Variants in MBIP observed in about 807,000 individuals in gnomAD.
MBIP encodes the protein MAP3K12 binding inhibitory protein 1.
In MBIP, 32 loss-of-function variants were observed where a neutral mutation model predicts 45.7. The ratio of observed to expected loss-of-function variants is 0.70; its 90% CI spans 0.53 to 0.94. MBIP has a LOEUF of 0.94. Among genes scored for constraint, MBIP ranks in the 40% least tolerant of loss-of-function variants. The pLI is 0.00. For missense variants in MBIP, 381 were observed against 405.5 expected (o/e 0.94, Z 0.52); for synonymous variants, 145 against 141.0 (o/e 1.03, Z -0.20).
In MBIP at chr14:36,314,913, A is replaced by C; in HGVS notation, c.252T>G (p.Pro84=). The C allele has an allele frequency of 6.2e-7, 1 of 1,605,984 alleles. No homozygotes were observed. The highest frequency in any genetic ancestry group is 8.5e-7 in the Non-Finnish European group (1 of 1,173,010). Residue 84 remains proline (P), a splice_region_variant and synonymous_variant, in exon 3 of 9, where the codon CCT becomes CCG. Coordinates refer to ENST00000416007, the MANE Select transcript of MBIP (RefSeq NM_016586.3). ...ALEQHILYLQ[P]FLAKLQSPIK... is the part of the protein sequence containing the mutation. Reference sequence around the variant, plus strand: ...TCGGAGACTGAAGTTTTGCTAAAAAAGGCTGAGAACAACACAATTCCATCT... The same window carrying C: ...TCGGAGACTGAAGTTTTGCTAAAAACGGCTGAGAACAACACAATTCCATCT...
At chr14:36,302,805 T>C (rs1429959091) in intron 7 of MBIP, among the ~76,000 whole-genome samples, 1 of 152,244 alleles carries the variant, frequency 6.6e-6, no homozygotes, top group Non-Finnish European at 1.5e-5. Flanking sequence ...GAAATCTCAG[T>C]ACAGTTCCTG....
chr14:36,300,118 T>G (rs923405587), intron 8 of MBIP, among the ~76,000 whole-genome samples: 1 of 152,184 alleles, frequency 6.6e-6, no homozygotes, highest in Non-Finnish European at 1.5e-5. Flanking sequence ...AGAATAACTT[T>G]TAAAAACCTG....
At chr14:36,300,236 G>GA (rs1879458817) in intron 8 of MBIP, among the ~76,000 whole-genome samples, 1 of 151,874 alleles carries the variant, frequency 6.6e-6, no homozygotes, top group Non-Finnish European at 1.5e-5. Context: ...TTTACTTCGG[G>GA]AAAAAATAGC....
rs908593765 is a variant in MBIP, at chr14:36,320,471, G to A, written c.118C>T (p.Leu40=). The A allele has an allele frequency of 2.5e-6, 4 of 1,614,018 alleles. No individual in the cohort carries two copies. Among genetic ancestry groups the A allele is most frequent in the Non-Finnish European group, 1.7e-6 (2 of 1,180,034 alleles). ...AGGCCACCTCTCACCTGTCCAACCA[G>A]GGTGTGTAGGGAGCGAAAGATTTCG... ...LYEIFRSLHT[L]VGQLDLRDDV... Residue 40 remains leucine, a synonymous_variant, in exon 1 of 9, where the codon CTG becomes TTG. Coordinates refer to ENST00000416007, the MANE Select transcript of MBIP (RefSeq NM_016586.3).
intron 2 of MBIP, among the ~76,000 whole-genome samples, chr14:36,315,384 G>C (rs1880506709): frequency 6.6e-6 from 1 of 152,052 alleles, no homozygotes; most frequent in Non-Finnish European, 1.5e-5. Context: ...CATTATCACT[G>C]TATCACTGGA....
Position 36,314,942 on chromosome 14 carries a change from G to A in MBIP, c.250-27C>T, listed in dbSNP as rs367921849. On this transcript the variant is annotated intron_variant, in intron 2 of 8. Coordinates refer to ENST00000416007, the MANE Select transcript of MBIP (RefSeq NM_016586.3). ...TGAGAACAACACAATTCCATCTGCTGAGGTTCAATCTGACCAAAATTAATT... is the reference window on the plus strand; with the variant it reads ...TGAGAACAACACAATTCCATCTGCTAAGGTTCAATCTGACCAAAATTAATT... The A allele has an allele frequency of 2.0e-6, 3 of 1,476,748 alleles. No homozygotes were observed. In the African/African-American group the frequency reaches 4.2e-5, roughly 20 times the overall value. The allele number at this position is 1,476,748 out of a possible 1,614,324, so 91.5% of individuals were successfully genotyped here. A position where few individuals can be genotyped will look rare whatever the true frequency, so the allele number is the denominator to read the frequency against.
rs532107841 is a variant in MBIP at position 36,303,592 on chromosome 14, AT to A, written c.889-2770del. Among the ~76,000 whole-genome samples the A allele has an allele frequency of 1.2e-4, 19 of 152,360 alleles. No individual in the cohort carries two copies. The South Asian group carries it at 3.9e-3, about 32-fold the overall frequency. ...TCAACATAGAAAAGATACAGTAAAA[AT>A]ACCATACTATAATTTTATGGGATCA... is the stretch of plus-strand genomic sequence containing the variant. On this transcript the variant is annotated intron_variant, in intron 7 of 8. Coordinates refer to ENST00000416007, the MANE Select transcript of MBIP (RefSeq NM_016586.3).
intron 1 of MBIP, among the ~76,000 whole-genome samples, chr14:36,317,874 C>T (rs1378651239): frequency 6.6e-6 from 1 of 151,866 alleles, no homozygotes; most frequent in Non-Finnish European, 1.5e-5. Flanking sequence ...AGATGAATCA[C>T]TGTACAAAGA....
At chr14:36,299,460 T>A (rs1879403956) in intron 8 of MBIP, among the ~76,000 whole-genome samples, 1 of 143,230 alleles carries the variant, frequency 7.0e-6, no homozygotes, top group Non-Finnish European at 1.5e-5. Context: ...AAGAATAAGT[T>A]AAAAAAAAAA....
chr14:36,319,373 C>T (rs1880753262), intron 1 of MBIP, among the ~76,000 whole-genome samples: 1 of 152,156 alleles, frequency 6.6e-6, no homozygotes, highest in South Asian at 2.1e-4. Context: ...TGGCAAACAA[C>T]TGAATTTAAA....
intron 6 of MBIP, among the ~76,000 whole-genome samples, chr14:36,311,199 T>C (rs1008309942): frequency 2.0e-5 from 3 of 152,146 alleles, no homozygotes; most frequent in South Asian, 2.1e-4. Flanking sequence ...TGACACATGA[T>C]TGTAGTCCCA....
intron 2 of MBIP, 85 bp downstream of exon 2, chr14:36,316,608 T>C: frequency 8.0e-7 from 1 of 1,256,136 alleles, no homozygotes; most frequent in Non-Finnish European, 1.1e-6. Context: ...ATATAGTGTT[T>C]AGAACTGTCA....
In MBIP at chr14:36,311,085, G is replaced by T. The variant is rs146826879; in HGVS notation, c.790+488C>A. 2.8e-3 allele frequency among the ~76,000 whole-genome samples: 425 copies of T among 152,252 alleles called. 1 individual carries two copies. The highest frequency in any genetic ancestry group is 1.0e-2 in the African/African-American group (414 of 41,540). On this transcript the variant is annotated intron_variant, in intron 6 of 8. Transcript: ENST00000416007. ...AAGACAGAAGTGGGCAGATTTGAGA[G>T]ATATTTATTTAGAAAACAGAATCAA...
At chr14:36,310,826 C>A (rs1880155255) in intron 6 of MBIP, among the ~76,000 whole-genome samples, 1 of 152,160 alleles carries the variant, frequency 6.6e-6, no homozygotes, top group Non-Finnish European at 1.5e-5. Flanking sequence ...AGAGGTGTAG[C>A]TGGAACTACA....
intron 1 of MBIP, among the ~76,000 whole-genome samples, chr14:36,317,738 A>G (rs375436680): frequency 1.1e-4 from 17 of 152,268 alleles, no homozygotes; most frequent in Middle Eastern, 3.4e-3. Context: ...ACAGCATAGT[A>G]TAAGACTATA....
intron 1 of MBIP, 117 bp downstream of exon 1, chr14:36,320,343 G>A: frequency 6.9e-7 from 1 of 1,457,108 alleles, no homozygotes; most frequent in African/African-American, 1.4e-5. Flanking sequence ...CCTCGGCTTC[G>A]GGACCGCATC....
intron 6 of MBIP, among the ~76,000 whole-genome samples, chr14:36,309,617 T>C (rs1376499766): frequency 6.6e-6 from 1 of 152,208 alleles, no homozygotes; most frequent in Non-Finnish European, 1.5e-5. Flanking sequence ...AGGACCTTGG[T>C]TGTTCTTGTT....
intron 6 of MBIP, among the ~76,000 whole-genome samples, chr14:36,309,003 C>T (rs183653822): frequency 6.6e-6 from 1 of 152,332 alleles, no homozygotes; most frequent in East Asian, 1.9e-4. Context: ...AATACCAAAG[C>T]CCTCACAATG....
chr14:36,311,918 A>G, intron 5 of MBIP, 41 bp downstream of exon 5: 1 of 1,439,434 alleles, frequency 6.9e-7, no homozygotes, highest in Non-Finnish European at 9.5e-7. Context: ...AATAATCTAG[A>G]CTTCTGTCAG....
Sources: allele counts gnomAD v4.1 joint callset (sites outside exome capture counted in the v4.1 genomes callset), GRCh38; gene constraint gnomAD v4.1.1; transcripts MANE v1.5; gene names NCBI Gene and HGNC (gene_info 2026-07-23, HGNC 2026-07-21).